The following SGCD variants were observed in gnomAD, a reference collection of about 807,000 sequenced individuals.
SGCD encodes delta-sarcoglycan.
Under a neutral mutation model 36.6 loss-of-function variants are expected in SGCD, and 18 were observed. The observed-to-expected ratio is 0.49, with a 90% CI of 0.34 to 0.73. SGCD has a LOEUF of 0.73. Among genes scored for constraint, SGCD ranks in the 30% least tolerant of loss-of-function variants. SGCD has a pLI of 0.01. For synonymous variants in SGCD, 133 were observed against 130.6 expected, an observed-to-expected ratio of 1.02 and a Z score of -0.12; for missense variants, 387 against 346.7, an observed-to-expected ratio of 1.12 and a Z score of -0.92.
chr5:156,086,879 T>C (rs1327203500), intron 1 of SGCD, among the ~76,000 whole-genome samples: 1 of 152,240 alleles, frequency 6.6e-6, no homozygotes, highest in Non-Finnish European at 1.5e-5. Context: ...TTCCATTCTC[T>C]TCCTATGGAT....
chr5:155,800,190 T>G, the SGCD span, among the ~76,000 whole-genome samples: 2 of 152,180 alleles, frequency 1.3e-5, no homozygotes, highest in African/African-American at 4.8e-5. Context: ...TTTTGCATCA[T>G]AAGTTCTTCC....
intron 3 of SGCD, among the ~76,000 whole-genome samples, chr5:156,241,292 G>T (rs867230033): frequency 5.2e-4 from 79 of 151,242 alleles, no homozygotes; most frequent in African/African-American, 1.9e-3. Flanking sequence ...GTGTGTGCAT[G>T]TATGTGCATA....
rs1554107842 is a variant in SGCD, at chr5:156,487,813, A to AAAAAAAAAAAG, written c.193-20785_193-20784insAAAAAAAGAAA. ...CAAAAAAAAAAAAAAAAAAAAAAAA[A>AAAAAAAAAAAG]AAAGAAAGAAAGAAAAAGCTTAACA... On this transcript the variant is annotated intron_variant, in intron 3 of 8. Coordinates refer to ENST00000337851, the MANE Select transcript of SGCD (RefSeq NM_000337.6). Among the ~76,000 whole-genome samples, 65 of 77,786 alleles carry AAAAAAAAAAAG rather than the reference A, an allele frequency of 8.4e-4. 3 individuals are homozygous for AAAAAAAAAAAG. Among genetic ancestry groups the AAAAAAAAAAAG allele is most frequent in the East Asian group, 7.0e-3 (16 of 2,282 alleles). The allele number at this position is 77,786 out of a possible 152,430, so 51.0% of individuals were successfully genotyped here.
chr5:155,744,667 G>A, the SGCD span, among the ~76,000 whole-genome samples: 2 of 152,130 alleles, frequency 1.3e-5, no homozygotes, highest in Admixed American at 6.5e-5. Flanking sequence ...GAAGTTGGAG[G>A]AAGATAAACA....
intron 4 of SGCD, among the ~76,000 whole-genome samples, chr5:156,523,541 A>G (rs887883557): frequency 6.6e-6 from 1 of 152,168 alleles, no homozygotes; most frequent in Non-Finnish European, 1.5e-5. Context: ...AACTGAATCC[A>G]GGTCACAGAT....
intron 3 of SGCD, among the ~76,000 whole-genome samples, chr5:156,372,362 G>C (rs968428059): frequency 6.6e-6 from 1 of 152,158 alleles, no homozygotes; most frequent in Non-Finnish European, 1.5e-5. Context: ...TGCAATAAGA[G>C]ATGGCCTGTA....
chr5:155,883,759 G>A (rs1453860483), intron 1 of SGCD, among the ~76,000 whole-genome samples: 1 of 138,820 alleles, frequency 7.2e-6, no homozygotes, highest in African/African-American at 2.8e-5. Flanking sequence ...CGATAGACTT[G>A]CTGGATGCAG....
chr5:156,708,399 T>A (rs1754834588), intron 7 of SGCD, among the ~76,000 whole-genome samples: 1 of 152,164 alleles, frequency 6.6e-6, no homozygotes, highest in African/African-American at 2.4e-5. Context: ...TTTGTTTTAT[T>A]TTGGTTTTGG....
intron 1 of SGCD, among the ~76,000 whole-genome samples, chr5:156,073,773 C>T (rs1267660205): frequency 6.6e-6 from 1 of 152,134 alleles, no homozygotes; most frequent in African/African-American, 2.4e-5. Flanking sequence ...CCAGGTAAAG[C>T]AGTCAATTTC....
At chr5:156,713,832 C>A (rs530368978) in intron 7 of SGCD, among the ~76,000 whole-genome samples, 1 of 152,292 alleles carries the variant, frequency 6.6e-6, no homozygotes, top group South Asian at 2.1e-4. Context: ...CCCAACTAAA[C>A]AAGGAGTTAC....
chr5:155,839,504 C>T, the SGCD span, among the ~76,000 whole-genome samples: 9 of 152,090 alleles, frequency 5.9e-5, no homozygotes, highest in African/African-American at 1.9e-4. Context: ...GCTTAACTTT[C>T]GCTTTGGCAT....
At chr5:156,329,476 G>A (rs1055507522) in intron 1 of SGCD, 58 bp from the exon 2 acceptor site, 4 of 1,200,506 alleles carry the variant, frequency 3.3e-6, no homozygotes, top group East Asian at 4.7e-5. Context: ...AGATTTCCTA[G>A]GCAAGGAGGG....
At position 156,255,825 on chromosome 5, in the gene SGCD, GT is replaced by G. The variant is rs1253174534; in HGVS notation, c.-43-73708del. ...ACCTTTTGACTTTATTGAACTTTAT[GT>G]AGTATTTTTTTCTATTTTAATAATA... is the stretch of plus-strand genomic sequence containing the variant. On this transcript the variant is annotated intron_variant, in intron 3 of 9. Transcript: ENST00000517913. Among the ~76,000 whole-genome samples the G allele has an allele frequency of 2.0e-5, 3 of 151,880 alleles. No homozygotes were observed. The East Asian group carries it at 5.8e-4, about 29-fold the overall frequency.
chr5:155,799,027 T>G, the SGCD span, among the ~76,000 whole-genome samples: 3 of 152,230 alleles, frequency 2.0e-5, no homozygotes, highest in African/African-American at 7.2e-5. Flanking sequence ...AAATCATTTC[T>G]TATATTCATT....
At chr5:156,365,330 T>C (rs113952887) in intron 3 of SGCD, among the ~76,000 whole-genome samples, 348 of 152,338 alleles carry the variant, frequency 2.3e-3, no homozygotes, top group African/African-American at 8.1e-3. Flanking sequence ...TCCCAGACTC[T>C]GGGAGGCGTC....
intron 3 of SGCD, among the ~76,000 whole-genome samples, chr5:156,229,381 AT>A (rs1475546746): frequency 1.4e-5 from 2 of 147,536 alleles, no homozygotes. Flanking sequence ...TTCTCTCAGC[AT>A]TTCTTTTTCT....
chr5:156,151,601 A>T (rs1481158829), intron 3 of SGCD, among the ~76,000 whole-genome samples: 2 of 151,600 alleles, frequency 1.3e-5, no homozygotes, highest in African/African-American at 4.9e-5. Context: ...CATTCTTCTT[A>T]GAGTAAAAGG....
intron 1 of SGCD, among the ~76,000 whole-genome samples, chr5:155,993,970 C>T (rs1758488315): frequency 6.6e-6 from 1 of 152,148 alleles, no homozygotes; most frequent in Non-Finnish European, 1.5e-5. Context: ...GGGAAAAGTA[C>T]CAAGGTCAGG....
intron 7 of SGCD, among the ~76,000 whole-genome samples, chr5:156,734,980 T>A (rs1449218865): frequency 6.6e-6 from 1 of 152,228 alleles, no homozygotes; most frequent in Admixed American, 6.5e-5. Context: ...GGTAGGCTTA[T>A]CTACCTTCAG....
Sources: allele counts gnomAD v4.1 joint callset (sites outside exome capture counted in the v4.1 genomes callset), GRCh38; gene constraint gnomAD v4.1.1; transcripts MANE v1.5; gene names NCBI Gene and HGNC (gene_info 2026-07-23, HGNC 2026-07-21).